The following WDR59 variants were observed in gnomAD, a reference collection of about 807,000 sequenced individuals.
The protein encoded by WDR59 is GATOR2 complex protein WDR59.
In WDR59, 100 loss-of-function variants were observed where a neutral mutation model predicts 131.2. That is an observed-to-expected ratio of 0.76 (90% confidence interval 0.65 to 0.90). WDR59 has a LOEUF of 0.90. Among genes scored for constraint, WDR59 ranks in the 40% least tolerant of loss-of-function variants. WDR59 has a pLI of 0.00. For synonymous variants in WDR59, 601 were observed against 466.2 expected (o/e 1.29, Z -3.72); for missense variants, 1,203 against 1,262.2 (o/e 0.95, Z 0.71).
intron 6 of WDR59, among the ~76,000 whole-genome samples, chr16:74,948,128 A>C (rs2032763194): frequency 6.6e-6 from 1 of 152,198 alleles, no homozygotes. Flanking sequence ...GGGTGGAGGA[A>C]AAGATGAAAT....
Position 74,871,670 on chromosome 16 carries a change from G to T in WDR59, c.*2539C>A, listed in dbSNP as rs1340127605. 1 of 152,162 alleles carries T rather than the reference G, an allele frequency of 6.6e-6. No homozygotes were observed. Among genetic ancestry groups the T allele is most frequent in the African/African-American group, 2.4e-5 (1 of 41,430 alleles). The allele number at this position is 152,162 out of a possible 1,614,324, so 9.4% of individuals were successfully genotyped here. ...GGTTTTTACACTAACTTGAGCAGTG[G>T]GGAACAGGAAAAGATTGCTCTCTGC... On this transcript the variant is annotated 3_prime_UTR_variant, in exon 26 of 26. Transcript: ENST00000262144.
At chr16:74,965,018 C>T (rs113776908) in intron 2 of WDR59, among the ~76,000 whole-genome samples, 3,661 of 151,922 alleles carry the variant, frequency 0.024, 64 homozygotes, top group Non-Finnish European at 0.036. Context: ...GAGCCGAGAT[C>T]GCGCCACTGC....
chr16:74,883,646 T>C (rs190001151), intron 25 of WDR59, among the ~76,000 whole-genome samples: 19 of 152,302 alleles, frequency 1.2e-4, no homozygotes, highest in Admixed American at 1.2e-3. Context: ...CTGCTCAGTC[T>C]TGCTTTTCCT....
intron 8 of WDR59, among the ~76,000 whole-genome samples, chr16:74,930,501 A>G (rs375991814): frequency 2.8e-4 from 42 of 152,278 alleles, no homozygotes; most frequent in African/African-American, 9.4e-4. Flanking sequence ...AAACATGGTA[A>G]AAACAAAACA....
At chr16:74,911,274 A>T (rs1197872234) in intron 14 of WDR59, among the ~76,000 whole-genome samples, 1 of 152,190 alleles carries the variant, frequency 6.6e-6, no homozygotes, top group African/African-American at 2.4e-5. Flanking sequence ...GCATATTCAG[A>T]TTCCAAGTTT....
chr16:74,966,042 T>C (rs1267884826), intron 1 of WDR59, among the ~76,000 whole-genome samples: 1 of 152,204 alleles, frequency 6.6e-6, no homozygotes, highest in Non-Finnish European at 1.5e-5. Context: ...TCTTGCTATG[T>C]TGCCCAGGCT....
intron 1 of WDR59, among the ~76,000 whole-genome samples, chr16:74,966,422 G>A (rs1273193078): frequency 6.6e-6 from 1 of 152,118 alleles, no homozygotes; most frequent in African/African-American, 2.4e-5. Context: ...GGAGGGTGCA[G>A]TGACTCGAGA....
chr16:74,916,672 A>T (rs12928119), intron 11 of WDR59, among the ~76,000 whole-genome samples: 29,251 of 152,028 alleles, frequency 0.19, 3,493 homozygotes, highest in Middle Eastern at 0.29. Flanking sequence ...CAGCCTGGCC[A>T]AGAGGGTGAA....
Position 74,893,830 on chromosome 16 carries a change from G to A in WDR59, c.1867-18C>T. On this transcript the variant is annotated intron_variant, in intron 18 of 25. Coordinates refer to ENST00000262144, the MANE Select transcript of WDR59 (RefSeq NM_030581.4). The stretch of plus-strand genomic sequence containing the variant: ...CTTGATTTCTAGGGGTAGATGACAG[G>A]ATGTAACTAATGGGGACTTTGACAA... 6.2e-7 allele frequency: 1 copy of A among 1,613,124 alleles called. No homozygotes were observed. Among genetic ancestry groups the A allele is most frequent in the Non-Finnish European group, 8.5e-7 (1 of 1,179,240 alleles).
At chr16:74,955,930 TAACAA>T (rs2033268665) in intron 3 of WDR59, among the ~76,000 whole-genome samples, 1 of 151,836 alleles carries the variant, frequency 6.6e-6, no homozygotes, top group Non-Finnish European at 1.5e-5. Flanking sequence ...TTAGAAAACC[TAACAA>T]AACTTATACA....
At chr16:74,938,711 G>T (rs2031994295) in intron 7 of WDR59, among the ~76,000 whole-genome samples, 1 of 151,830 alleles carries the variant, frequency 6.6e-6, no homozygotes, top group Admixed American at 6.6e-5. Context: ...TAATTTTTTT[G>T]TATTTTTTCT....
chr16:74,956,738 T>C, intron 2 of WDR59, 128 bp from the exon 3 acceptor site: 1 of 1,169,282 alleles, frequency 8.6e-7, no homozygotes, highest in Non-Finnish European at 1.2e-6. Flanking sequence ...ACACATGGCA[T>C]TTATTTACTC....
At chr16:74,889,851 G>T (rs368495015) in intron 20 of WDR59, 36 bp from the exon 21 acceptor site, 2 of 1,541,294 alleles carry the variant, frequency 1.3e-6, no homozygotes, top group Non-Finnish European at 1.8e-6. Context: ...ACTCAAACTG[G>T]CAAGGACAAG....
chr16:74,978,561 T>C (rs2034278052), intron 1 of WDR59, among the ~76,000 whole-genome samples: 1 of 152,160 alleles, frequency 6.6e-6, no homozygotes, highest in Non-Finnish European at 1.5e-5. Context: ...TATCACATGA[T>C]TCCATTTGTT....
At chr16:74,979,300 TA>T (rs1168462389) in intron 1 of WDR59, among the ~76,000 whole-genome samples, 9 of 151,100 alleles carry the variant, frequency 6.0e-5, no homozygotes, top group South Asian at 2.1e-4. Context: ...CCATCTCTAC[TA>T]AAAAATACAA....
At chr16:74,970,870 T>A (rs965809741) in intron 1 of WDR59, among the ~76,000 whole-genome samples, 8 of 150,798 alleles carry the variant, frequency 5.3e-5, no homozygotes, top group Non-Finnish European at 1.2e-4. Flanking sequence ...CTGGACAACA[T>A]GATTAAACCA....
At chr16:74,922,253 A>C in intron 9 of WDR59, 150 bp from the exon 10 acceptor site, 1 of 953,472 alleles carries the variant, frequency 1.0e-6, no homozygotes, top group Non-Finnish European at 1.5e-6. Flanking sequence ...CCCAAACACC[A>C]TAGGCTGCAC....
At chr16:74,981,357 CAG>C (rs1193465272) in intron 1 of WDR59, among the ~76,000 whole-genome samples, 1 of 142,432 alleles carries the variant, frequency 7.0e-6, no homozygotes, top group Non-Finnish European at 1.5e-5. Flanking sequence ...GCCTGGGCGA[CAG>C]AGAGAGACTC....
chr16:74,978,320 C>CAAAA (rs1182301591), intron 1 of WDR59, among the ~76,000 whole-genome samples: 39 of 53,404 alleles, frequency 7.3e-4, no homozygotes, highest in Admixed American at 8.9e-4. Context: ...GACTCTGTCT[C>CAAAA]AAAAAAAAAA....
Sources: allele counts gnomAD v4.1 joint callset (sites outside exome capture counted in the v4.1 genomes callset), GRCh38; gene constraint gnomAD v4.1.1; transcripts MANE v1.5; gene names NCBI Gene and HGNC (gene_info 2026-07-23, HGNC 2026-07-21).